Variants in KIF26B observed in about 807,000 individuals in gnomAD.
KIF26B encodes the protein kinesin-like protein KIF26B.
Under a neutral mutation model 151.2 loss-of-function variants are expected in KIF26B, and 63 were observed. The observed-to-expected ratio is 0.42, with a 90% CI of 0.34 to 0.51. The LOEUF (loss-of-function observed/expected upper bound fraction) is 0.51, where lower values mean the gene tolerates loss of function less well. Ranked by LOEUF, KIF26B falls within the 20% of genes least tolerant of loss-of-function variation. The pLI, the probability that KIF26B is intolerant of heterozygous loss-of-function variation, is 0.07. For missense variants in KIF26B, 2,813 were observed against 2,913.6 expected (o/e 0.97, Z 0.79); for synonymous variants, 1,357 against 1,262.1 (o/e 1.08, Z -1.59).
intron 2 of KIF26B, among the ~76,000 whole-genome samples, chr1:245,354,723 A>T (rs1672645868): frequency 6.6e-6 from 1 of 152,196 alleles, no homozygotes; most frequent in Non-Finnish European, 1.5e-5. Context: ...TTTAGAGTTC[A>T]GTACCTCCAC....
intron 2 of KIF26B, among the ~76,000 whole-genome samples, chr1:245,265,763 CCTGG>C (rs1324063316): frequency 6.6e-6 from 1 of 151,918 alleles, no homozygotes; most frequent in Admixed American, 6.6e-5. Flanking sequence ...CACCACCACA[CCTGG>C]CTGATTTCTT....
chr1:245,511,137 C>T (rs559300818), intron 4 of KIF26B: 98 of 717,052 alleles, frequency 1.4e-4, no homozygotes, highest in Middle Eastern at 4.6e-4. Context: ...GTGTAAGTAA[C>T]GCAGTTATAT....
chr1:245,467,731 C>T (rs912290185), intron 4 of KIF26B, among the ~76,000 whole-genome samples: 1 of 152,152 alleles, frequency 6.6e-6, no homozygotes, highest in Non-Finnish European at 1.5e-5. Context: ...CCCATCTCTA[C>T]TAAAAATACA....
At chr1:245,621,136 C>A (rs12143765) in intron 9 of KIF26B, among the ~76,000 whole-genome samples, 2 of 152,148 alleles carry the variant, frequency 1.3e-5, no homozygotes, top group Non-Finnish European at 2.9e-5. Flanking sequence ...GGAGTGGGAA[C>A]CAGACGTCAA....
At chr1:245,679,462 T>TTG (rs2044402229) in intron 10 of KIF26B, among the ~76,000 whole-genome samples, 2 of 118,518 alleles carry the variant, frequency 1.7e-5, no homozygotes, top group African/African-American at 8.0e-5. Flanking sequence ...TGTGTGTTTT[T>TTG]TTTTTTTTTT....
intron 2 of KIF26B, among the ~76,000 whole-genome samples, chr1:245,348,389 A>C (rs1482336113): frequency 6.6e-6 from 1 of 152,188 alleles, no homozygotes; most frequent in Non-Finnish European, 1.5e-5. Flanking sequence ...CTGATATAAA[A>C]AAACACCACA....
At chr1:245,590,266 G>A (rs932041334) in intron 5 of KIF26B, among the ~76,000 whole-genome samples, 1 of 151,656 alleles carries the variant, frequency 6.6e-6, no homozygotes, top group African/African-American at 2.4e-5. Flanking sequence ...GCAGGGTCCC[G>A]GGGTCCCTGG....
At chr1:245,452,219 A>C (rs969591296) in intron 4 of KIF26B, among the ~76,000 whole-genome samples, 4 of 152,242 alleles carry the variant, frequency 2.6e-5, no homozygotes, top group African/African-American at 9.6e-5. Flanking sequence ...TTCACTTAGC[A>C]TAATATTTTC....
At chr1:245,454,940 CT>C (rs1659480233) in intron 4 of KIF26B, among the ~76,000 whole-genome samples, 1 of 152,202 alleles carries the variant, frequency 6.6e-6, no homozygotes, top group Non-Finnish European at 1.5e-5. Context: ...TGATCACAAA[CT>C]ATTTGGGACA....
chr1:245,352,019 C>T lies in KIF26B; in HGVS notation c.466-14815C>T, dbSNP rs189379055. On this transcript the variant is annotated intron_variant, in intron 2 of 14. Transcript: ENST00000407071. The surrounding 1 kb of genome is among the most constrained non-coding windows in gnomAD (Gnocchi z 5.0). ...TCTGCATTTATATTGGAAAGCACTA[C>T]ATGAAAAAATGAGATTTGAAAGTTT... Among the ~76,000 whole-genome samples, 4 of 152,118 alleles carry T rather than the reference C, an allele frequency of 2.6e-5. No homozygotes were observed. The highest frequency in any genetic ancestry group is 1.3e-4 in the Admixed American group (2 of 15,264).
chr1:245,608,929 T>A (rs1401429088), intron 7 of KIF26B, among the ~76,000 whole-genome samples: 2 of 151,998 alleles, frequency 1.3e-5, no homozygotes, highest in East Asian at 1.9e-4. Context: ...TTTTTAAAAA[T>A]TTTTCATAGA....
intron 4 of KIF26B, among the ~76,000 whole-genome samples, chr1:245,433,753 G>C (rs1022936463): frequency 6.6e-6 from 1 of 152,076 alleles, no homozygotes; most frequent in African/African-American, 2.4e-5. Flanking sequence ...CACCTGGTGT[G>C]CTTGTTCATG....
chr1:245,300,749 G>C (rs529452155), intron 2 of KIF26B, among the ~76,000 whole-genome samples: 1 of 151,110 alleles, frequency 6.6e-6, no homozygotes, highest in African/African-American at 2.4e-5. Context: ...GGCTGGTCTC[G>C]AGCTCCTGAC....
At chr1:245,305,954 A>AAG (rs1360530541) in intron 2 of KIF26B, among the ~76,000 whole-genome samples, 2 of 151,580 alleles carry the variant, frequency 1.3e-5, no homozygotes, top group Non-Finnish European at 2.9e-5. Context: ...AAAAAAAAAA[A>AAG]AAAGAAAAGA....
In KIF26B at chr1:245,602,479, G is replaced by T; in HGVS notation, c.1351-98G>T. On this transcript the variant is annotated intron_variant, in intron 5 of 14. Transcript: ENST00000407071. This position sits in a 1 kb window ranked among gnomAD's most constrained non-coding sequence, Gnocchi z 4.5. ...ATAATTTATCCTGAGAAAGTTCAGT[G>T]CTGCCATGTGCATGTATATCGCAGA... 1 of 875,474 alleles carries T rather than the reference G, an allele frequency of 1.1e-6. No individual in the cohort carries two copies. The highest frequency in any genetic ancestry group is 1.7e-5 in the African/African-American group (1 of 60,138). 54.2% of individuals were successfully genotyped at this position (875,474 alleles called of 1,614,324 possible). A position where few individuals can be genotyped will look rare whatever the true frequency, so the allele number is the denominator to read the frequency against.
intron 5 of KIF26B, among the ~76,000 whole-genome samples, chr1:245,579,822 T>C (rs2043157321): frequency 6.7e-6 from 1 of 150,292 alleles, no homozygotes; most frequent in Non-Finnish European, 1.5e-5. Flanking sequence ...CACTCCAGCC[T>C]GGGCAACAAG....
At chr1:245,462,737 A>C (rs1173657) in intron 4 of KIF26B, among the ~76,000 whole-genome samples, 7 of 152,002 alleles carry the variant, frequency 4.6e-5, no homozygotes, top group African/African-American at 9.7e-5. Flanking sequence ...CAGAATATGA[A>C]GTTAGTTGCC....
chr1:245,468,563 G>A (rs894584971), intron 4 of KIF26B, among the ~76,000 whole-genome samples: 2 of 152,194 alleles, frequency 1.3e-5, no homozygotes, highest in African/African-American at 2.4e-5. Context: ...AGAACCTGAA[G>A]AGGTTAAAGA....
At chr1:245,180,532 G>T (rs1421527663) in intron 2 of KIF26B, among the ~76,000 whole-genome samples, 3 of 152,154 alleles carry the variant, frequency 2.0e-5, no homozygotes, top group African/African-American at 7.2e-5. Context: ...TGCTCAGTAG[G>T]TGCTAGCTAT....
Sources: gnomAD v4.1 joint callset for allele counts (sites outside exome capture counted in the v4.1 genomes callset) on GRCh38, gnomAD v4.1.1 for gene constraint, Gnocchi (gnomAD v3.1) non-coding constraint, MANE v1.5 for transcripts, NCBI Gene and HGNC (gene_info 2026-07-23, HGNC 2026-07-21) for gene names.